Variants in LIX1 observed in about 807,000 individuals in gnomAD.
LIX1 encodes the protein protein limb expression 1 homolog.
Under a neutral mutation model 33.4 loss-of-function variants are expected in LIX1, and 24 were observed. The ratio of observed to expected loss-of-function variants is 0.72; its 90% CI spans 0.52 to 1.01. The LOEUF (loss-of-function observed/expected upper bound fraction) is 1.01, where lower values mean the gene tolerates loss of function less well. Among genes scored for constraint, LIX1 ranks in the 50% least tolerant of loss-of-function variants. The pLI is 0.00. For synonymous variants in LIX1, 124 were observed against 124.0 expected, an observed-to-expected ratio of 1.00 and a Z score of 0.00; for missense variants, 311 against 339.2, an observed-to-expected ratio of 0.92 and a Z score of 0.65.
rs1269778501 is a variant in LIX1 at position 97,099,985 on chromosome 5, G to A, written c.484-3098C>T. On this transcript the variant is annotated intron_variant, in intron 4 of 5. Transcript: ENST00000274382. Reference sequence around the variant, plus strand: ...CTTGGCATTGTTCTTGCATCCTTGTGGCCCAGTTTGAGAAACAGCCTATTG... The same window carrying A: ...CTTGGCATTGTTCTTGCATCCTTGTAGCCCAGTTTGAGAAACAGCCTATTG... 7.2e-5 allele frequency among the ~76,000 whole-genome samples: 11 copies of A among 152,120 alleles called. 1 individual carries two copies. The highest frequency in any genetic ancestry group is 7.2e-4 in the Admixed American group (11 of 15,274).
At chr5:97,139,650 G>A (rs1748243662) in intron 1 of LIX1, among the ~76,000 whole-genome samples, 1 of 152,230 alleles carries the variant, frequency 6.6e-6, no homozygotes, top group Admixed American at 6.5e-5. Context: ...GAGACTTCCA[G>A]TGCTACTTGT....
At chr5:97,116,758 G>T (rs991947981) in intron 2 of LIX1, among the ~76,000 whole-genome samples, 1 of 151,880 alleles carries the variant, frequency 6.6e-6, no homozygotes, top group Non-Finnish European at 1.5e-5. Context: ...CAAGATTTGG[G>T]TTTATTTTTA....
At chr5:97,120,710 C>T (rs528769623) in intron 2 of LIX1, among the ~76,000 whole-genome samples, 8 of 152,130 alleles carry the variant, frequency 5.3e-5, no homozygotes, top group Admixed American at 6.6e-5. Flanking sequence ...AAGAGGAAAT[C>T]GGGGAGATAA....
Position 97,094,694 on chromosome 5 carries a change from C to G in LIX1, c.*54G>C. On this transcript the variant is annotated 3_prime_UTR_variant, in exon 6 of 6. Coordinates refer to ENST00000274382, the MANE Select transcript of LIX1 (RefSeq NM_153234.5). ...CTCTGAGGACCTCTGCACTGAGATT[C>G]CTAATGTTAATCTGGCCTCTGCCAT... 2 of 1,557,918 alleles carry G rather than the reference C, an allele frequency of 1.3e-6. No homozygotes were observed. The highest frequency in any genetic ancestry group is 1.8e-6 in the Non-Finnish European group (2 of 1,140,820).
chr5:97,135,029 T>A (rs549570345), intron 1 of LIX1, among the ~76,000 whole-genome samples: 1 of 152,296 alleles, frequency 6.6e-6, no homozygotes, highest in South Asian at 2.1e-4. Flanking sequence ...TTTGTTTGCT[T>A]TTTTTCTTCT....
chr5:97,137,467 GA>G (rs1050682913), intron 1 of LIX1, among the ~76,000 whole-genome samples: 202 of 141,206 alleles, frequency 1.4e-3, no homozygotes, highest in South Asian at 1.8e-3. Context: ...TATATTTACT[GA>G]AAAAAAAAAA....
At chr5:97,122,742 C>G (rs1236848844) in intron 2 of LIX1, among the ~76,000 whole-genome samples, 1 of 152,140 alleles carries the variant, frequency 6.6e-6, no homozygotes, top group Non-Finnish European at 1.5e-5. Context: ...GTCTCCAACT[C>G]CCCGCTGGAC....
chr5:97,141,041 A>G (rs2161555), intron 1 of LIX1, among the ~76,000 whole-genome samples: 3,336 of 152,262 alleles, frequency 0.022, 123 homozygotes, highest in African/African-American at 0.076. Context: ...CAATCGCAGC[A>G]ATTTAGTTCA....
intron 4 of LIX1, chr5:97,101,789 A>T (rs1192886767): frequency 4.6e-5 from 7 of 152,210 alleles, no homozygotes; most frequent in African/African-American, 1.2e-4. Flanking sequence ...ATTCATCAGA[A>T]ATAAGAAAAA....
At chr5:97,112,613 T>G (rs1470060123) in intron 2 of LIX1, among the ~76,000 whole-genome samples, 1 of 152,140 alleles carries the variant, frequency 6.6e-6, no homozygotes, top group Admixed American at 6.5e-5. Flanking sequence ...AGCTGGGATA[T>G]TTAAGTCAAG....
In LIX1 at chr5:97,138,247, C is replaced by T. The variant is rs138739605; in HGVS notation, c.82+4248G>A. Among the ~76,000 whole-genome samples, 6 of 152,316 alleles carry T rather than the reference C, an allele frequency of 3.9e-5. No homozygotes were observed. In the East Asian group the frequency reaches 1.2e-3, roughly 29 times the overall value. ...TTCATAAGTCAATGCTAGAAACCAA[C>T]TCATTCTCATGGCTACAGTGACAAT... On this transcript the variant is annotated intron_variant, in intron 1 of 5. Coordinates refer to ENST00000274382, the MANE Select transcript of LIX1 (RefSeq NM_153234.5).
intron 1 of LIX1, among the ~76,000 whole-genome samples, chr5:97,127,821 G>A (rs1347400960): frequency 6.6e-6 from 1 of 152,160 alleles, no homozygotes. Flanking sequence ...ATAAACTTGA[G>A]CTACCAAGTG....
chr5:97,131,910 TGG>T (rs1748064423), intron 1 of LIX1, among the ~76,000 whole-genome samples: 1 of 152,062 alleles, frequency 6.6e-6, no homozygotes, highest in African/African-American at 2.4e-5. Flanking sequence ...GATGGCAAAG[TGG>T]GTAGAGAGAG....
chr5:97,117,983 A>T (rs369117184), intron 2 of LIX1, among the ~76,000 whole-genome samples: 13 of 152,148 alleles, frequency 8.5e-5, no homozygotes, highest in African/African-American at 2.9e-4. Context: ...TCTCAACCTC[A>T]TAGAGTGCTT....
At chr5:97,096,699 G>A in intron 5 of LIX1, 111 bp downstream of exon 5, 1 of 757,278 alleles carries the variant, frequency 1.3e-6, no homozygotes, top group South Asian at 1.7e-5. Context: ...AATAAATAAG[G>A]TACCAAATTT....
chr5:97,131,761 G>A (rs901377129), intron 1 of LIX1, among the ~76,000 whole-genome samples: 1 of 152,252 alleles, frequency 6.6e-6, no homozygotes, highest in Non-Finnish European at 1.5e-5. Context: ...GCAATTGAAT[G>A]AACATGTAGA....
chr5:97,103,307 G>C (rs1296698640), intron 4 of LIX1, among the ~76,000 whole-genome samples: 1 of 152,136 alleles, frequency 6.6e-6, no homozygotes, highest in Non-Finnish European at 1.5e-5. Flanking sequence ...CCATCCAGTA[G>C]CCTCTGGCAT....
intron 3 of LIX1, 46 bp downstream of exon 3, chr5:97,107,314 G>C (rs772520455): frequency 7.6e-6 from 12 of 1,569,134 alleles, no homozygotes; most frequent in Non-Finnish European, 1.0e-5. Context: ...AAATGCTTCA[G>C]AATTCTCAGT....
intron 2 of LIX1, 100 bp from the exon 3 acceptor site, chr5:97,107,600 A>C: frequency 1.6e-6 from 2 of 1,279,226 alleles, no homozygotes; most frequent in South Asian, 2.7e-5. Context: ...TTATACATTT[A>C]CTGTCCGCAT....
Sources: allele counts gnomAD v4.1 joint callset (sites outside exome capture counted in the v4.1 genomes callset), GRCh38; gene constraint gnomAD v4.1.1; transcripts MANE v1.5; gene names NCBI Gene and HGNC (gene_info 2026-07-23, HGNC 2026-07-21).